The following POMK variants were observed in gnomAD, a reference collection of about 807,000 sequenced individuals.
POMK encodes Sugen kinase 196.
In POMK, 19 loss-of-function variants were observed where a neutral mutation model predicts 23.0. The observed-to-expected ratio is 0.83, with a 90% CI of 0.58 to 1.21. The LOEUF is 1.21. Among genes scored for constraint, POMK ranks in the 50% most tolerant of loss-of-function variants. POMK has a pLI of 0.00. For synonymous variants in POMK, 173 were observed against 171.6 expected, an observed-to-expected ratio of 1.01 and a Z score of -0.06; for missense variants, 410 against 431.3, an observed-to-expected ratio of 0.95 and a Z score of 0.44.
chr8:43,093,813 G>A lies in POMK; in HGVS notation c.-210+250G>A, dbSNP rs1811273834. Among the ~76,000 whole-genome samples, 5 of 152,356 alleles carry A rather than the reference G, an allele frequency of 3.3e-5. No individual in the cohort carries two copies. In the East Asian group the frequency reaches 9.7e-4, roughly 29 times the overall value. On this transcript the variant is annotated intron_variant, in intron 1 of 4. Coordinates refer to ENST00000331373, the MANE Select transcript of POMK (RefSeq NM_032237.5). ...AAAGAACCAGAGAAGGGCCCGGCGA[G>A]GTGGCTCCAGCCTGTAATCCCAGCG...
intron 4 of POMK, among the ~76,000 whole-genome samples, chr8:43,109,227 A>G (rs1367691639): frequency 6.6e-6 from 1 of 152,182 alleles, no homozygotes; most frequent in African/African-American, 2.4e-5. Context: ...CATTTAGCCA[A>G]AGTAACTCAA....
At chr8:43,117,810 A>G (rs552820978) in intron 4 of POMK, among the ~76,000 whole-genome samples, 1 of 152,368 alleles carries the variant, frequency 6.6e-6, no homozygotes, top group Non-Finnish European at 1.5e-5. Context: ...CTAAGATTCT[A>G]TCATGCGCTG....
rs183394046 is a variant in POMK, at chr8:43,119,589, C to T, written c.283-2518C>T. The stretch of plus-strand genomic sequence containing the variant: ...CTGGGACTGCAGGCGCGCGCCACCA[C>T]GCCCAGCTAATTATTTTGTATTTTT... On this transcript the variant is annotated intron_variant, in intron 4 of 4. Transcript: ENST00000331373. Among the ~76,000 whole-genome samples, 855 of 151,946 alleles carry T rather than the reference C, an allele frequency of 5.6e-3. 6 individuals carry two copies. Among genetic ancestry groups the T allele is most frequent in the Non-Finnish European group, 8.5e-3 (580 of 67,928 alleles).
intron 4 of POMK, among the ~76,000 whole-genome samples, chr8:43,107,026 G>T (rs1811557692): frequency 6.6e-6 from 1 of 152,130 alleles, no homozygotes; most frequent in African/African-American, 2.4e-5. Context: ...TGGTTCCAAG[G>T]CTTTCGTGAC....
At chr8:43,110,233 C>T (rs1217702834) in intron 4 of POMK, among the ~76,000 whole-genome samples, 1 of 147,886 alleles carries the variant, frequency 6.8e-6, no homozygotes, top group Non-Finnish European at 1.5e-5. Context: ...ACACTGTTAA[C>T]TCAATGACTT....
intron 4 of POMK, among the ~76,000 whole-genome samples, chr8:43,112,048 T>C (rs1469198665): frequency 6.6e-6 from 1 of 151,946 alleles, no homozygotes; most frequent in Non-Finnish European, 1.5e-5. Flanking sequence ...TCACCAGCAA[T>C]GGAACAAAAC....
intron 2 of POMK, among the ~76,000 whole-genome samples, chr8:43,098,988 T>C (rs12548009): frequency 0.99 from 151,195 of 152,332 alleles, 75,045 homozygotes; most frequent in Middle Eastern, 1. Flanking sequence ...TCACTGTCAC[T>C]CAGGCTGGAG....
In POMK at chr8:43,096,384, C is replaced by T. The variant is rs527479546; in HGVS notation, c.-209-1140C>T. 8.5e-5 allele frequency among the ~76,000 whole-genome samples: 13 copies of T among 152,276 alleles called. No homozygotes were observed. The South Asian group carries it at 1.0e-3, about 12-fold the overall frequency. ...TTTAGAAAGCTCTCCCTGCATGGGC[C>T]GGACATGGTGGCTCATGCCTGTAAT... is the stretch of plus-strand genomic sequence containing the variant. On this transcript the variant is annotated intron_variant, in intron 1 of 4. Coordinates refer to ENST00000331373, the MANE Select transcript of POMK (RefSeq NM_032237.5).
At chr8:43,116,831 A>G (rs993903710) in intron 4 of POMK, among the ~76,000 whole-genome samples, 1 of 152,248 alleles carries the variant, frequency 6.6e-6, no homozygotes, top group African/African-American at 2.4e-5. Context: ...AGAGACCACC[A>G]AACAGGCTTT....
At chr8:43,108,545 C>T (rs752055448) in intron 4 of POMK, among the ~76,000 whole-genome samples, 45 of 152,032 alleles carry the variant, frequency 3.0e-4, no homozygotes, top group Non-Finnish European at 5.4e-4. Context: ...AAGAAATTTC[C>T]CTGACTCTGA....
intron 4 of POMK, among the ~76,000 whole-genome samples, chr8:43,114,299 C>T (rs1811746531): frequency 6.6e-6 from 1 of 152,240 alleles, no homozygotes; most frequent in Non-Finnish European, 1.5e-5. Context: ...TTTACCTAAG[C>T]AAGCCTGAGC....
intron 1 of POMK, among the ~76,000 whole-genome samples, chr8:43,096,218 G>A (rs1165479826): frequency 6.6e-6 from 1 of 152,186 alleles, no homozygotes; most frequent in African/African-American, 2.4e-5. Flanking sequence ...AAAGCTCAGG[G>A]GCCAGAGAGT....
chr8:43,100,423 G>A (rs1376259573), intron 2 of POMK, among the ~76,000 whole-genome samples: 1 of 151,956 alleles, frequency 6.6e-6, no homozygotes, highest in African/African-American at 2.4e-5. Flanking sequence ...TGCTAATGGG[G>A]GATAGTGTGG....
chr8:43,105,932 A>C (rs897864473), intron 4 of POMK, among the ~76,000 whole-genome samples: 4 of 152,232 alleles, frequency 2.6e-5, no homozygotes, highest in Admixed American at 2.6e-4. Flanking sequence ...AAGTGCTGGG[A>C]TTACAGGCGT....
intron 4 of POMK, among the ~76,000 whole-genome samples, chr8:43,106,072 T>C (rs535485547): frequency 1.5e-4 from 23 of 152,354 alleles, no homozygotes; most frequent in African/African-American, 5.0e-4. Flanking sequence ...ACCTCCATAC[T>C]GTTTTCCATA....
intron 4 of POMK, among the ~76,000 whole-genome samples, chr8:43,114,310 A>G (rs888164793): frequency 6.6e-6 from 1 of 152,198 alleles, no homozygotes; most frequent in Non-Finnish European, 1.5e-5. Context: ...AAGCCTGAGC[A>G]ATGGCGGGCA....
chr8:43,097,129 A>G (rs1250659184), intron 1 of POMK, among the ~76,000 whole-genome samples: 2 of 152,230 alleles, frequency 1.3e-5, no homozygotes, highest in African/African-American at 4.8e-5. Context: ...AGATAGATAG[A>G]CAGCATGTAT....
intron 4 of POMK, among the ~76,000 whole-genome samples, chr8:43,115,800 C>T (rs549806222): frequency 3.2e-4 from 48 of 152,306 alleles, no homozygotes; most frequent in Admixed American, 2.8e-3. Flanking sequence ...AGTAAAAGAG[C>T]CCTTGCAACG....
chr8:43,114,188 G>A (rs978771446), intron 4 of POMK, among the ~76,000 whole-genome samples: 2 of 152,220 alleles, frequency 1.3e-5, no homozygotes, highest in Non-Finnish European at 2.9e-5. Flanking sequence ...CTGTCTTTTC[G>A]TTTCTCTGTG....
Sources: gnomAD v4.1 joint callset for allele counts (sites outside exome capture counted in the v4.1 genomes callset) on GRCh38, gnomAD v4.1.1 for gene constraint, MANE v1.5 for transcripts, NCBI Gene and HGNC (gene_info 2026-07-23, HGNC 2026-07-21) for gene names.